TLR5: variants seen among roughly 807,000 people sequenced by gnomAD.
TLR5 encodes the protein toll-like receptor 5.
For missense variants in TLR5, 944 were observed against 999.8 expected (o/e 0.94, Z 0.75); for synonymous variants, 373 against 384.4 (o/e 0.97, Z 0.35).
In TLR5 at chr1:223,112,739, C is replaced by G. The variant is rs1444099244; in HGVS notation, c.293G>C (p.Arg98Thr). The G allele has an allele frequency of 1.2e-6, 2 of 1,614,070 alleles. No homozygotes were observed. Among genetic ancestry groups the G allele is most frequent in the Non-Finnish European group, 1.7e-6 (2 of 1,180,048 alleles). ...KEAFRNLPNL[R>T]ILDLGSSKIY... The stretch of plus-strand genomic sequence containing the variant: ...CTTACTACTTCCCAGGTCCAAGATT[C>G]TAAGGTTGGGCAGGTTTCTGAAGGC... The change falls in exon 6 of 6, where the codon AGA becomes ACA. Residue 98 changes from arginine to threonine, a missense_variant. Coordinates refer to ENST00000642603, the MANE Select transcript of TLR5 (RefSeq NM_003268.6).
Position 223,110,525 on chromosome 1 carries a change from A to G in TLR5, c.2507T>C (p.Ile836Thr). The part of the protein sequence containing the change: ...GWFLHKLSQQ[I>T]LKKEKEKKKD... ...CTTCTTTTCTTTTTCTTTCTTTAGT[A>G]TCTGTTGAGAGAGTTTATGAAGAAA... is the stretch of plus-strand genomic sequence containing the variant. The change falls in exon 6 of 6, where the codon ATA becomes ACA. Residue 836 changes from isoleucine to threonine, a missense_variant. By Grantham distance (89) the Ile-to-Thr change is moderately conservative. Coordinates refer to ENST00000642603, the MANE Select transcript of TLR5 (RefSeq NM_003268.6). 1 of 1,614,140 alleles carries G rather than the reference A, an allele frequency of 6.2e-7. No homozygotes were observed. The highest frequency in any genetic ancestry group is 8.5e-7 in the Non-Finnish European group (1 of 1,180,016).
intron 2 of TLR5, 136 bp downstream of exon 2, chr1:223,141,512 C>A (rs765510932): frequency 1.3e-5 from 2 of 152,178 alleles, no homozygotes; most frequent in African/African-American, 4.8e-5. Flanking sequence ...GTGGCTCACA[C>A]CTGTAATGCC....
chr1:223,130,215 CT>C (rs1420980544), intron 5 of TLR5, among the ~76,000 whole-genome samples: 5 of 152,196 alleles, frequency 3.3e-5, no homozygotes, highest in Non-Finnish European at 7.3e-5. Flanking sequence ...TTCCACAGAG[CT>C]GCAGACCACC....
At chr1:223,116,480 C>T (rs1350703237) in intron 5 of TLR5, among the ~76,000 whole-genome samples, 3 of 152,132 alleles carry the variant, frequency 2.0e-5, no homozygotes, top group African/African-American at 7.2e-5. Context: ...AAGCTGCAGA[C>T]CTTCACAGTG....
Position 223,112,909 on chromosome 1 carries a change from G to T in TLR5, c.123C>A (p.Val41=). The T allele has an allele frequency of 6.2e-7, 1 of 1,614,204 alleles. No homozygotes were observed. The highest frequency in any genetic ancestry group is 8.5e-7 in the Non-Finnish European group (1 of 1,180,024). The change falls in exon 6 of 6, where the codon GTC becomes GTA. Residue 41 remains valine, a synonymous_variant. Transcript: ENST00000642603. The part of the protein sequence containing the change: ...AFYRFCNLTQ[V]PQVLNTTERL... ...TCTCAGTGGTGTTGAGGACCTGGGG[G>T]ACCTGGGTGAGGTTGCAGAAACGAT...
intron 5 of TLR5, chr1:223,127,192 G>T (rs962313462): frequency 6.6e-6 from 1 of 152,504 alleles, no homozygotes; most frequent in South Asian, 2.1e-4. Context: ...CTCGCTGGCA[G>T]GCCTGGGGTT....
intron 5 of TLR5, chr1:223,128,610 T>G (rs1657268719): frequency 6.6e-6 from 1 of 151,662 alleles, no homozygotes; most frequent in African/African-American, 2.4e-5. Flanking sequence ...TTCCCAGAAC[T>G]AAATTGAAAG....
Position 223,112,778 on chromosome 1 carries a change from G to A in TLR5, c.254C>T (p.Thr85Ile). 1 of 1,613,826 alleles carries A rather than the reference G, an allele frequency of 6.2e-7. No homozygotes were observed. Among genetic ancestry groups the A allele is most frequent in the Non-Finnish European group, 8.5e-7 (1 of 1,179,860 alleles). Residue 85 changes from threonine to isoleucine, a missense_variant, in exon 6 of 6, where the codon ACT (threonine) becomes ATT (isoleucine). Physicochemically the swap from Thr to Ile is moderately conservative, Grantham distance 89 (BLOSUM62 -1). Coordinates refer to ENST00000642603, the MANE Select transcript of TLR5 (RefSeq NM_003268.6). Reference protein sequence around the residue: ...LELGSQYTPLTIDKEAFRNLP... With the variant: ...LELGSQYTPLIIDKEAFRNLP... Reference sequence around the variant, plus strand: ...GTTTCTGAAGGCCTCCTTGTCAATAGTCAAGGGGGTATACTGGCTCCCGAG... The same window carrying A: ...GTTTCTGAAGGCCTCCTTGTCAATAATCAAGGGGGTATACTGGCTCCCGAG...
In TLR5 at chr1:223,116,009, G is replaced by A. The variant is rs149964432; in HGVS notation, c.-4-2974C>T. 2.8e-3 allele frequency among the ~76,000 whole-genome samples: 421 copies of A among 152,090 alleles called. 3 individuals carry two copies. Among genetic ancestry groups the A allele is most frequent in the African/African-American group, 9.4e-3 (388 of 41,476 alleles). Reference sequence around the variant, plus strand: ...CTCTTCTCTCTGCTCTTACTGTGGCGAGATCTCACATCAGTGTTTCCCCAG... The same window carrying A: ...CTCTTCTCTCTGCTCTTACTGTGGCAAGATCTCACATCAGTGTTTCCCCAG... On this transcript the variant is annotated intron_variant, in intron 5 of 5. Coordinates refer to ENST00000642603, the MANE Select transcript of TLR5 (RefSeq NM_003268.6).
At chr1:223,123,460 T>C (rs185500095) in intron 5 of TLR5, 12 of 152,238 alleles carry the variant, frequency 7.9e-5, no homozygotes, top group Admixed American at 6.5e-4. Context: ...GCTGAACAAA[T>C]GGATGTGAAA....
chr1:223,121,318 T>C, intron 5 of TLR5, among the ~76,000 whole-genome samples: 1 of 152,344 alleles, frequency 6.6e-6, no homozygotes, highest in East Asian at 1.9e-4. Flanking sequence ...TGTAGGTGGA[T>C]TATGTTACAG....
chr1:223,139,232 C>T (rs543386558), intron 2 of TLR5, among the ~76,000 whole-genome samples: 2 of 152,314 alleles, frequency 1.3e-5, no homozygotes, highest in South Asian at 2.1e-4. Context: ...ATTTGTCCTT[C>T]GTTTGATATT....
intron 5 of TLR5, 119 bp from the exon 6 acceptor site, chr1:223,113,154 C>T: frequency 1.1e-6 from 1 of 949,558 alleles, no homozygotes; most frequent in Non-Finnish European, 1.7e-6. Context: ...CCCTTCATTC[C>T]TCTGACTCCA....
intron 2 of TLR5, among the ~76,000 whole-genome samples, chr1:223,138,606 T>G (rs1476768313): frequency 6.6e-6 from 1 of 152,170 alleles, no homozygotes; most frequent in African/African-American, 2.4e-5. Flanking sequence ...GAACATTTCC[T>G]TTTTAACATC....
At position 223,110,765 on chromosome 1, in the gene TLR5, C is replaced by T; in HGVS notation, c.2267G>A (p.Cys756Tyr). 1.2e-6 allele frequency: 2 copies of T among 1,614,236 alleles called. No individual in the cohort carries two copies. The highest frequency in any genetic ancestry group is 1.7e-6 in the Non-Finnish European group (2 of 1,180,030). The change falls in exon 6 of 6, where the codon TGT becomes TAT. Residue 756 changes from cysteine to tyrosine, a missense_variant. Coordinates refer to ENST00000642603, the MANE Select transcript of TLR5 (RefSeq NM_003268.6). ...DAIWNSRKIV[C>Y]LVSRHFLRDG... ...TCTAAGGAAGTGTCTGCTCACAAGA[C>T]AAACGATCTTTCTACTGTTCCAGAT...
At chr1:223,139,922 T>C (rs1239457629) in intron 2 of TLR5, among the ~76,000 whole-genome samples, 1 of 152,216 alleles carries the variant, frequency 6.6e-6, no homozygotes, top group African/African-American at 2.4e-5. Flanking sequence ...CAATCAAGAA[T>C]CATTTATCAA....
intron 5 of TLR5, among the ~76,000 whole-genome samples, chr1:223,117,054 C>T (rs1392736415): frequency 6.6e-6 from 1 of 152,310 alleles, no homozygotes; most frequent in East Asian, 1.9e-4. Context: ...GAGAGCCCAC[C>T]ACAGGGGGAC....
Position 223,110,588 on chromosome 1 carries a change from T to C in TLR5, c.2444A>G (p.Tyr815Cys). 1.2e-6 allele frequency: 2 copies of C among 1,614,210 alleles called. No homozygotes were observed. Among genetic ancestry groups the C allele is most frequent in the Non-Finnish European group, 1.7e-6 (2 of 1,180,038 alleles). The change falls in exon 6 of 6, where the codon TAT becomes TGT. Residue 815 changes from tyrosine (Y) to cysteine (C), a missense_variant. By Grantham distance (194) the Tyr-to-Cys change is radical. Coordinates refer to ENST00000642603, the MANE Select transcript of TLR5 (RefSeq NM_003268.6). The part of the protein sequence containing the change: ...SIRGFVQKQQ[Y>C]LRWPEDLQDV... The stretch of plus-strand genomic sequence containing the variant: ...CTGGAGATCCTCAGGCCACCTCAAA[T>C]ACTGCTGTTTCTGTACAAAGCCTCT...
chr1:223,112,853 G>A lies in TLR5; in HGVS notation c.179C>T (p.Thr60Ile). The A allele has an allele frequency of 6.2e-7, 1 of 1,613,908 alleles. No individual in the cohort carries two copies. The highest frequency in any genetic ancestry group is 1.3e-5 in the African/African-American group (1 of 75,014). The change falls in exon 6 of 6, where the codon ACA (threonine) becomes ATA (isoleucine). Residue 60 changes from threonine (T) to isoleucine (I), a missense_variant. Transcript: ENST00000642603. ...RLLLSFNYIR[T>I]VTASSFPFLE... Reference sequence around the variant, plus strand: ...AAAGGGGAAGGATGAAGCAGTGACTGTCCTGATATAGTTGAAGCTCAGCAG... The same window carrying A: ...AAAGGGGAAGGATGAAGCAGTGACTATCCTGATATAGTTGAAGCTCAGCAG...
Sources: gnomAD v4.1 joint callset for allele counts (sites outside exome capture counted in the v4.1 genomes callset) on GRCh38, gnomAD v4.1.1 for gene constraint, MANE v1.5 for transcripts, NCBI Gene and HGNC (gene_info 2026-07-23, HGNC 2026-07-21) for gene names.